Variants in ROPN1L observed in about 807,000 individuals in gnomAD.
ROPN1L encodes the protein rhophilin associated tail protein 1 like.
In ROPN1L, 23 loss-of-function variants were observed where a neutral mutation model predicts 22.7. The ratio of observed to expected loss-of-function variants is 1.01; its 90% CI spans 0.73 to 1.43. ROPN1L has a LOEUF of 1.43. Among genes scored for constraint, ROPN1L ranks in the 40% most tolerant of loss-of-function variants. The pLI is 0.00. For synonymous variants in ROPN1L, 116 were observed against 117.8 expected, an observed-to-expected ratio of 0.98 and a Z score of 0.10; for missense variants, 271 against 291.5, an observed-to-expected ratio of 0.93 and a Z score of 0.51.
At chr5:10,480,870 A>G in the ROPN1L span, among the ~76,000 whole-genome samples, 4 of 151,830 alleles carry the variant, frequency 2.6e-5, no homozygotes, top group South Asian at 2.1e-4. Flanking sequence ...AAGCCAGACA[A>G]CCTAGCTCCC....
chr5:10,460,241 C>T (rs1734992506), intron 3 of ROPN1L, among the ~76,000 whole-genome samples: 1 of 152,254 alleles, frequency 6.6e-6, no homozygotes, highest in African/African-American at 2.4e-5. Context: ...TCTTATGTTA[C>T]ATGGTTCTCC....
chr5:10,447,658 C>G (rs139074182), intron 1 of ROPN1L, among the ~76,000 whole-genome samples: 215 of 152,322 alleles, frequency 1.4e-3, no homozygotes, highest in African/African-American at 5.0e-3. Context: ...GGGAGGATCA[C>G]TTGAGGCCAG....
downstream of ROPN1L, among the ~76,000 whole-genome samples, chr5:10,474,077 C>T (rs529534170): frequency 8.6e-5 from 13 of 151,200 alleles, no homozygotes; most frequent in South Asian, 8.4e-4. Context: ...GCTTGAGCCC[C>T]GGAGGTGGAG....
At chr5:10,451,135 TC>T (rs992321597) in intron 3 of ROPN1L, among the ~76,000 whole-genome samples, 11 of 152,146 alleles carry the variant, frequency 7.2e-5, no homozygotes, top group African/African-American at 2.2e-4. Flanking sequence ...AATTTGATTT[TC>T]CCCCCTCCCT....
rs2126418965 is a variant in ROPN1L, at chr5:10,442,050, G to A, written c.-118G>A. On this transcript the variant is annotated 5_prime_UTR_variant, in exon 1 of 5. Coordinates refer to ENST00000274134, the MANE Select transcript of ROPN1L (RefSeq NM_031916.5). ...CCCCAACCTCGGGAACGGGATGGGA[G>A]GCGGCCCTGGCCGCAAGCCCCGCGC... 7.1e-7 allele frequency: 1 copy of A among 1,400,290 alleles called. No individual in the cohort carries two copies. Among genetic ancestry groups the A allele is most frequent in the East Asian group, 2.3e-5 (1 of 43,026 alleles). The allele number at this position is 1,400,290 out of a possible 1,614,324, so 86.7% of individuals were successfully genotyped here.
At chr5:10,446,660 C>CAAAA (rs10650382) in intron 1 of ROPN1L, among the ~76,000 whole-genome samples, 67 of 142,210 alleles carry the variant, frequency 4.7e-4, no homozygotes, top group African/African-American at 1.3e-3. Flanking sequence ...GACTCTATCT[C>CAAAA]AAAAAAAAAA....
chr5:10,465,713 G>T (rs74347444), downstream of ROPN1L, among the ~76,000 whole-genome samples: 14 of 151,866 alleles, frequency 9.2e-5, no homozygotes, highest in Non-Finnish European at 1.9e-4. Flanking sequence ...TTAGCCAGGC[G>T]TGGCGGTGGG....
At position 10,465,023 on chromosome 5, in the gene ROPN1L, C is replaced by A; in HGVS notation, c.*76C>A. ...GCACCAAATACAACTTACCCTGAATCACACACCTCTGTAGTGTGAGTGTTT... is the reference window on the plus strand; with the variant it reads ...GCACCAAATACAACTTACCCTGAATAACACACCTCTGTAGTGTGAGTGTTT... On this transcript the variant is annotated 3_prime_UTR_variant, in exon 5 of 5. Coordinates refer to ENST00000274134, the MANE Select transcript of ROPN1L (RefSeq NM_031916.5). The A allele has an allele frequency of 1.2e-6, 1 of 805,930 alleles. No homozygotes were observed. The highest frequency in any genetic ancestry group is 2.0e-6 in the Non-Finnish European group (1 of 490,392). 49.9% of individuals were successfully genotyped at this position (805,930 alleles called of 1,614,324 possible). A position where few individuals can be genotyped will look rare whatever the true frequency, so the allele number is the denominator to read the frequency against.
chr5:10,442,017 G>A lies in ROPN1L; in HGVS notation c.-151G>A. On this transcript the variant is annotated 5_prime_UTR_variant, in exon 1 of 5. Transcript: ENST00000274134. ...GCGGAGGAGCGGGTAAGAGCCCCGC[G>A]AATCCGGCCCCAACCTCGGGAACGG... 9.1e-7 allele frequency: 1 copy of A among 1,098,724 alleles called. No individual in the cohort carries two copies. Among genetic ancestry groups the A allele is most frequent in the Non-Finnish European group, 1.3e-6 (1 of 772,472 alleles). The allele number at this position is 1,098,724 out of a possible 1,614,324, so 68.1% of individuals were successfully genotyped here.
chr5:10,476,835 C>A (rs1278791402), downstream of ROPN1L, among the ~76,000 whole-genome samples: 1 of 152,200 alleles, frequency 6.6e-6, no homozygotes, highest in African/African-American at 2.4e-5. Flanking sequence ...CTATCATGTC[C>A]ATTTTAAAGA....
chr5:10,458,701 C>T (rs1171541618), intron 3 of ROPN1L, among the ~76,000 whole-genome samples: 5 of 93,264 alleles, frequency 5.4e-5, no homozygotes, highest in African/African-American at 1.3e-4. Context: ...ACCATCCCCC[C>T]GTGTACATCA....
At chr5:10,459,585 GC>G (rs948802660) in intron 3 of ROPN1L, among the ~76,000 whole-genome samples, 2 of 152,076 alleles carry the variant, frequency 1.3e-5, no homozygotes, top group African/African-American at 4.8e-5. Flanking sequence ...TCCATGGCCT[GC>G]TCTAGCTACC....
intron 3 of ROPN1L, among the ~76,000 whole-genome samples, chr5:10,457,179 A>G (rs573505627): frequency 6.6e-6 from 1 of 152,200 alleles, no homozygotes; most frequent in East Asian, 1.9e-4. Flanking sequence ...TCCTAGAGAG[A>G]GCATCATGTT....
At chr5:10,443,177 A>G (rs1695557506) in intron 1 of ROPN1L, among the ~76,000 whole-genome samples, 1 of 149,920 alleles carries the variant, frequency 6.7e-6, no homozygotes, top group Non-Finnish European at 1.5e-5. Flanking sequence ...TAACACAGCA[A>G]GACCCCATCT....
Position 10,461,213 on chromosome 5 carries a change from C to T in ROPN1L, c.447C>T (p.Cys149=), listed in dbSNP as rs753462592. The T allele has an allele frequency of 2.3e-5, 37 of 1,613,886 alleles. No individual in the cohort carries two copies. Among genetic ancestry groups the T allele is most frequent in the Middle Eastern group, 1.6e-4 (1 of 6,062 alleles). Residue 149 remains cysteine (C), a synonymous_variant, in exon 4 of 5, where the codon TGC becomes TGT. Coordinates refer to ENST00000274134, the MANE Select transcript of ROPN1L (RefSeq NM_031916.5). ...TGAACACTGCGCTGAAGCACCTGTGCGAGATCCTCACGGACGATCCGGAGG... is the reference window on the plus strand; with the variant it reads ...TGAACACTGCGCTGAAGCACCTGTGTGAGATCCTCACGGACGATCCGGAGG... The part of the protein sequence containing the change: ...GSLNTALKHL[C]EILTDDPEGG...
chr5:10,481,475 A>C, the ROPN1L span, among the ~76,000 whole-genome samples: 1 of 152,222 alleles, frequency 6.6e-6, no homozygotes, highest in Non-Finnish European at 1.5e-5. Context: ...TGTCTGGGGC[A>C]TGGGCTTGCA....
intron 1 of ROPN1L, among the ~76,000 whole-genome samples, chr5:10,444,366 C>T (rs562457493): frequency 1.2e-3 from 182 of 152,218 alleles, no homozygotes; most frequent in African/African-American, 4.1e-3. Flanking sequence ...TCTCGGCTCA[C>T]GGCAACCTCT....
At chr5:10,474,623 C>T (rs368207012), downstream of ROPN1L, among the ~76,000 whole-genome samples, 117 of 152,358 alleles carry the variant, frequency 7.7e-4, no homozygotes, top group African/African-American at 2.6e-3. Flanking sequence ...CCTCGGCCCA[C>T]GCCATGATGA....
chr5:10,455,614 C>G (rs930314661), intron 3 of ROPN1L, among the ~76,000 whole-genome samples: 12 of 152,258 alleles, frequency 7.9e-5, no homozygotes, highest in African/African-American at 2.7e-4. Context: ...CATCCCTGTC[C>G]TGCACAGGAT....
Sources: allele counts gnomAD v4.1 joint callset (sites outside exome capture counted in the v4.1 genomes callset), GRCh38; gene constraint gnomAD v4.1.1; transcripts MANE v1.5; gene names NCBI Gene and HGNC (gene_info 2026-07-23, HGNC 2026-07-21).